Variants in NRXN3 observed in about 807,000 individuals in gnomAD.
NRXN3 encodes the protein neurexin III.
NRXN3 carries 32 observed loss-of-function variants against 137.6 expected under a neutral mutation model. The observed-to-expected ratio is 0.23, with a 90% CI of 0.18 to 0.31. The LOEUF (loss-of-function observed/expected upper bound fraction) is 0.31. NRXN3 is among the 10% of genes least tolerant of loss of function. The probability of loss-of-function intolerance (pLI) is 1.00; values close to 1 mark genes in which losing one functional copy is unlikely to be tolerated. For missense variants in NRXN3, 1,574 were observed against 2,062.5 expected, an observed-to-expected ratio of 0.76 and a Z score of 4.59; for synonymous variants, 798 against 784.5, an observed-to-expected ratio of 1.02 and a Z score of -0.29.
At chr14:79,424,221 A>G (rs934255551) in intron 15 of NRXN3, among the ~76,000 whole-genome samples, 1 of 152,230 alleles carries the variant, frequency 6.6e-6, no homozygotes, top group African/African-American at 2.4e-5. Context: ...TTGCTAATTA[A>G]CACATACAAA....
chr14:79,482,235 C>A (rs1439461873), intron 16 of NRXN3, among the ~76,000 whole-genome samples: 1 of 152,182 alleles, frequency 6.6e-6, no homozygotes, highest in Non-Finnish European at 1.5e-5. Flanking sequence ...GTTAGCTTGG[C>A]CCATGCCCAG....
chr14:78,227,043 A>G (rs926890804), intron 1 of NRXN3, among the ~76,000 whole-genome samples: 3 of 152,184 alleles, frequency 2.0e-5, no homozygotes, highest in African/African-American at 7.2e-5. Context: ...CACTTCTTAG[A>G]CTGTTGGTTG....
intron 19 of NRXN3, among the ~76,000 whole-genome samples, chr14:79,782,573 A>T (rs904133766): frequency 1.3e-5 from 2 of 152,160 alleles, no homozygotes; most frequent in Non-Finnish European, 2.9e-5. Context: ...GCATGCATTT[A>T]AATCTTCAGG....
intron 19 of NRXN3, among the ~76,000 whole-genome samples, chr14:79,773,221 G>A (rs556912410): frequency 1.2e-3 from 185 of 152,264 alleles, no homozygotes; most frequent in Non-Finnish European, 2.1e-3. Flanking sequence ...TCAGTGTGGC[G>A]ATTCCTCAGG....
intron 8 of NRXN3, 85 bp from the exon 9 acceptor site, chr14:78,803,535 C>T (rs890262922): frequency 1.1e-5 from 14 of 1,257,952 alleles, no homozygotes; most frequent in Non-Finnish European, 1.6e-5. Flanking sequence ...GGCACCCTCT[C>T]TACTCGCTTA....
intron 15 of NRXN3, among the ~76,000 whole-genome samples, chr14:79,358,400 C>G (rs565783710): frequency 2.6e-5 from 4 of 151,592 alleles, no homozygotes. Flanking sequence ...GAAACCCCGT[C>G]TCTACTAAAA....
intron 15 of NRXN3, among the ~76,000 whole-genome samples, chr14:79,414,908 T>A (rs2095474453): frequency 6.6e-6 from 1 of 152,154 alleles, no homozygotes; most frequent in African/African-American, 2.4e-5. Flanking sequence ...ACTCTCTGTT[T>A]CTATACATTC....
At chr14:78,451,101 C>T (rs756678818) in intron 4 of NRXN3, among the ~76,000 whole-genome samples, 3 of 152,134 alleles carry the variant, frequency 2.0e-5, no homozygotes, top group Non-Finnish European at 4.4e-5. Context: ...TCTCTGGCCA[C>T]CTCTTCCCCT....
intron 15 of NRXN3, among the ~76,000 whole-genome samples, chr14:79,008,369 T>C (rs1298610648): frequency 6.6e-6 from 1 of 152,224 alleles, no homozygotes; most frequent in Non-Finnish European, 1.5e-5. Context: ...CTGAATACTA[T>C]AACTTACTTT....
chr14:78,728,437 C>G (rs1427448425), intron 8 of NRXN3, among the ~76,000 whole-genome samples: 1 of 152,100 alleles, frequency 6.6e-6, no homozygotes, highest in African/African-American at 2.4e-5. Context: ...AAAAGGGCAA[C>G]CTGGGAGGGA....
At chr14:78,503,677 C>G (rs557959363) in intron 4 of NRXN3, among the ~76,000 whole-genome samples, 1 of 152,244 alleles carries the variant, frequency 6.6e-6, no homozygotes, top group East Asian at 1.9e-4. Flanking sequence ...TTCATTCTTC[C>G]TGACCAGAGG....
At chr14:79,745,874 T>C (rs1426893042) in intron 19 of NRXN3, among the ~76,000 whole-genome samples, 4 of 152,100 alleles carry the variant, frequency 2.6e-5, no homozygotes, top group South Asian at 2.1e-4. Flanking sequence ...CCTCATCACA[T>C]GGTGTTCTCC....
intron 16 of NRXN3, among the ~76,000 whole-genome samples, chr14:79,628,646 G>C (rs1022888287): frequency 2.6e-5 from 4 of 152,132 alleles, no homozygotes; most frequent in African/African-American, 7.2e-5. Context: ...TTCTGCTTAG[G>C]GAATGGCTAG....
At chr14:79,854,009 G>C in intron 20 of NRXN3, 1 of 984,362 alleles carries the variant, frequency 1.0e-6, no homozygotes, top group Non-Finnish European at 1.2e-6. Context: ...TGGTGTGGAT[G>C]TATGTGTTGT....
intron 16 of NRXN3, among the ~76,000 whole-genome samples, chr14:79,612,814 G>A (rs527444444): frequency 2.0e-3 from 311 of 152,182 alleles, no homozygotes; most frequent in African/African-American, 7.3e-3. Context: ...CCACTGCACT[G>A]CAGCCTAACT....
intron 10 of NRXN3, among the ~76,000 whole-genome samples, chr14:78,927,160 A>AAC (rs1474632686): frequency 1.4e-5 from 2 of 146,624 alleles, no homozygotes; most frequent in African/African-American, 5.0e-5. Flanking sequence ...CAAAAAAAAA[A>AAC]AAAAAGTTTT....
intron 8 of NRXN3, among the ~76,000 whole-genome samples, chr14:78,733,427 G>A (rs1214668468): frequency 6.6e-6 from 1 of 152,108 alleles, no homozygotes; most frequent in Non-Finnish European, 1.5e-5. Flanking sequence ...AGGATGCCTA[G>A]TCTATGTAGC....
Position 78,891,157 on chromosome 14 carries a change from C to T in NRXN3, c.2276-66085C>T, listed in dbSNP as rs191185372. ...GTGTGATCTTTCTGGGAGGGTGCCA[C>T]GTCTGTCCAATATTGATACAATAGT... On this transcript the variant is annotated intron_variant, in intron 10 of 20. Transcript: ENST00000335750. 1.8e-3 allele frequency among the ~76,000 whole-genome samples: 266 copies of T among 151,964 alleles called. 1 individual carries two copies. Among genetic ancestry groups the T allele is most frequent in the African/African-American group, 5.6e-3 (234 of 41,474 alleles).
chr14:78,398,509 G>A (rs918908811), intron 4 of NRXN3, among the ~76,000 whole-genome samples: 4 of 152,106 alleles, frequency 2.6e-5, no homozygotes, highest in African/African-American at 9.7e-5. Context: ...GGCCAATATT[G>A]ACACATGAGG....
Sources: allele counts gnomAD v4.1 joint callset (sites outside exome capture counted in the v4.1 genomes callset), GRCh38; gene constraint gnomAD v4.1.1; transcripts MANE v1.5; gene names NCBI Gene and HGNC (gene_info 2026-07-23, HGNC 2026-07-21).